ECM2: variants seen among roughly 807,000 people sequenced by gnomAD.
ECM2 encodes extracellular matrix protein 2, female organ and adipocyte specific.
Under a neutral mutation model 67.5 loss-of-function variants are expected in ECM2, and 57 were observed. The observed-to-expected ratio is 0.84, with a 90% CI of 0.68 to 1.05. The LOEUF (loss-of-function observed/expected upper bound fraction) is 1.05, where lower values mean the gene tolerates loss of function less well. Ranked by LOEUF, ECM2 falls within the 50% of genes least tolerant of loss-of-function variation. The pLI, the probability that ECM2 is intolerant of heterozygous loss-of-function variation, is 0.00. For synonymous variants in ECM2, 258 were observed against 294.5 expected (o/e 0.88, Z 1.27); for missense variants, 741 against 822.8 (o/e 0.90, Z 1.22).
Position 92,515,104 on chromosome 9 carries a change from T to A in ECM2, c.581A>T (p.Gln194Leu), listed in dbSNP as rs1388319679. 1 of 1,613,950 alleles carries A rather than the reference T, an allele frequency of 6.2e-7. No individual in the cohort carries two copies. Among genetic ancestry groups the A allele is most frequent in the African/African-American group, 1.3e-5 (1 of 74,928 alleles). The change falls in exon 4 of 10, where the codon CAA (glutamine) becomes CTA (leucine). Residue 194 changes from glutamine (Q) to leucine (L), a missense_variant. By Grantham distance (113) the Gln-to-Leu change is moderately radical. Transcript: ENST00000344604. ...CATTCCCACCTGAGGAGGTGGCAGT[T>A]GCTTATGAAGTAAATTGGTAGGTTC... ...QREPTNLLHK[Q>L]LPPPQVGMDR...
the ECM2 span, among the ~76,000 whole-genome samples, chr9:92,551,360 T>G: frequency 6.6e-6 from 1 of 152,018 alleles, no homozygotes; most frequent in African/African-American, 2.4e-5. Context: ...TTTTTTGAGA[T>G]AGGGTCTTGC....
chr9:92,552,491 TC>T, the ECM2 span, among the ~76,000 whole-genome samples: 1 of 152,148 alleles, frequency 6.6e-6, no homozygotes, highest in Non-Finnish European at 1.5e-5. Flanking sequence ...GTTCACCGCA[TC>T]CATGCCAACA....
chr9:92,545,487 G>A, the ECM2 span, among the ~76,000 whole-genome samples: 2 of 152,138 alleles, frequency 1.3e-5, no homozygotes, highest in East Asian at 1.9e-4. Flanking sequence ...GCCTCCCCGC[G>A]GGGCAGGGCT....
chr9:92,510,146 G>C, intron 5 of ECM2, 112 bp from the exon 6 acceptor site: 1 of 1,247,088 alleles, frequency 8.0e-7, no homozygotes, highest in Non-Finnish European at 1.1e-6. Flanking sequence ...CTTAGGCTTA[G>C]ACAGTAATGT....
At chr9:92,524,031 T>C (rs761534094) in intron 1 of ECM2, among the ~76,000 whole-genome samples, 7 of 152,236 alleles carry the variant, frequency 4.6e-5, no homozygotes, top group African/African-American at 7.2e-5. Context: ...GGATCAGACA[T>C]GGCCCCCTCT....
upstream of ECM2, among the ~76,000 whole-genome samples, chr9:92,540,756 G>A (rs1288634630): frequency 6.9e-6 from 1 of 143,918 alleles, no homozygotes; most frequent in African/African-American, 2.8e-5. Flanking sequence ...GGGCAACAGA[G>A]CACGACTCTG....
the ECM2 span, among the ~76,000 whole-genome samples, chr9:92,558,447 T>A: frequency 6.6e-6 from 1 of 152,220 alleles, no homozygotes; most frequent in African/African-American, 2.4e-5. Context: ...TGCCCGGCTC[T>A]GGGCTGGTAC....
intron 4 of ECM2, among the ~76,000 whole-genome samples, chr9:92,514,214 A>C (rs1847538390): frequency 6.7e-6 from 1 of 149,152 alleles, no homozygotes; most frequent in Admixed American, 6.7e-5. Flanking sequence ...CCCCCACCTC[A>C]GCCTCCTGAG....
intron 6 of ECM2, among the ~76,000 whole-genome samples, chr9:92,508,220 T>C (rs149738525): frequency 6.4e-4 from 98 of 152,254 alleles, no homozygotes; most frequent in African/African-American, 2.2e-3. Flanking sequence ...CTGCAGTAGC[T>C]CTTAGAACTC....
chr9:92,545,322 T>C, the ECM2 span, among the ~76,000 whole-genome samples: 2 of 151,864 alleles, frequency 1.3e-5, no homozygotes, highest in Non-Finnish European at 2.9e-5. Flanking sequence ...GCAGGCCAGC[T>C]AGAGTTCTGG....
intron 7 of ECM2, among the ~76,000 whole-genome samples, chr9:92,504,220 G>C (rs1846856205): frequency 6.6e-6 from 1 of 152,212 alleles, no homozygotes; most frequent in Non-Finnish European, 1.5e-5. Context: ...CCAAGAGTCT[G>C]TATTTCTTAA....
intron 8 of ECM2, among the ~76,000 whole-genome samples, chr9:92,501,686 C>T (rs535706367): frequency 6.6e-6 from 1 of 152,316 alleles, no homozygotes; most frequent in African/African-American, 2.4e-5. Flanking sequence ...CTGATGAAGA[C>T]TTCTCTGCCT....
upstream of ECM2, among the ~76,000 whole-genome samples, chr9:92,540,965 T>C (rs780585425): frequency 7.9e-5 from 12 of 151,200 alleles, no homozygotes; most frequent in Non-Finnish European, 1.8e-4. Flanking sequence ...TTTTTTCTTT[T>C]TTAAAAAATG....
chr9:92,557,768 G>A, the ECM2 span, among the ~76,000 whole-genome samples: 8 of 151,962 alleles, frequency 5.3e-5, no homozygotes, highest in Non-Finnish European at 1.0e-4. Context: ...TCAGCCTCTC[G>A]AGTAGCTGGG....
chr9:92,515,992 C>A (rs1847680227), intron 3 of ECM2, among the ~76,000 whole-genome samples: 1 of 151,596 alleles, frequency 6.6e-6, no homozygotes, highest in African/African-American at 2.4e-5. Flanking sequence ...GTGGGGAAGA[C>A]ATGACAAAGA....
At chr9:92,523,569 G>A (rs1848207119) in intron 1 of ECM2, among the ~76,000 whole-genome samples, 1 of 152,216 alleles carries the variant, frequency 6.6e-6, no homozygotes, top group Admixed American at 6.5e-5. Flanking sequence ...GATTTATTGA[G>A]TACAATCACT....
At chr9:92,536,577 G>A (rs1476589210), upstream of ECM2, 1 of 152,736 alleles carries the variant, frequency 6.5e-6, no homozygotes, top group African/African-American at 2.4e-5. Context: ...AAATGTGAAA[G>A]GGAGCTGTGT....
downstream of ECM2, among the ~76,000 whole-genome samples, chr9:92,494,347 G>T (rs745825514): frequency 4.9e-4 from 75 of 152,262 alleles, no homozygotes; most frequent in Middle Eastern, 3.4e-3. Context: ...GTTGCACAAG[G>T]GTTGTTAAAT....
In ECM2 at chr9:92,495,744, C is replaced by G. The variant is rs530585586; in HGVS notation, c.*571G>C. The G allele has an allele frequency of 2.1e-6, 2 of 932,730 alleles. No individual in the cohort carries two copies. The highest frequency in any genetic ancestry group is 9.9e-5 in the South Asian group (2 of 20,154). 57.8% of individuals were successfully genotyped at this position (932,730 alleles called of 1,614,324 possible). A position where few individuals can be genotyped will look rare whatever the true frequency, so the allele number is the denominator to read the frequency against. On this transcript the variant is annotated 3_prime_UTR_variant, in exon 10 of 10. Transcript: ENST00000344604. Reference sequence around the variant, plus strand: ...TTTCAAAACCAGGAAATTAACATTACAGTAGTGTTTTAATTTTACACATGT... The same window carrying G: ...TTTCAAAACCAGGAAATTAACATTAGAGTAGTGTTTTAATTTTACACATGT...
Sources: gnomAD v4.1 joint callset for allele counts (sites outside exome capture counted in the v4.1 genomes callset) on GRCh38, gnomAD v4.1.1 for gene constraint, MANE v1.5 for transcripts, NCBI Gene and HGNC (gene_info 2026-07-23, HGNC 2026-07-21) for gene names.